Variants in ZBTB20 observed in about 807,000 individuals in gnomAD.
ZBTB20 encodes zinc finger and BTB domain containing 20.
A neutral mutation model predicts 56.9 loss-of-function variants in ZBTB20; 9 were observed. The observed-to-expected ratio is 0.16, with a 90% CI of 0.10 to 0.28. The LOEUF is 0.28. Among genes scored for constraint, ZBTB20 ranks in the 10% least tolerant of loss-of-function variants. ZBTB20 has a pLI of 1.00. For synonymous variants in ZBTB20, 417 were observed against 420.7 expected, an observed-to-expected ratio of 0.99 and a Z score of 0.11; for missense variants, 655 against 1,003.0, an observed-to-expected ratio of 0.65 and a Z score of 4.69.
chr3:114,588,106 AG>A (rs2055369238), intron 6 of ZBTB20, among the ~76,000 whole-genome samples: 1 of 152,012 alleles, frequency 6.6e-6, no homozygotes, highest in African/African-American at 2.4e-5. Flanking sequence ...TATTACTTCC[AG>A]GGGGCCTTCT....
intron 4 of ZBTB20, among the ~76,000 whole-genome samples, chr3:114,825,274 T>C (rs564264770): frequency 1.3e-5 from 2 of 152,086 alleles, no homozygotes; most frequent in East Asian, 1.9e-4. Context: ...ACAATAAATA[T>C]GTAAGGAATG....
chr3:114,989,160 A>T (rs369725420), intron 2 of ZBTB20, among the ~76,000 whole-genome samples: 1 of 152,066 alleles, frequency 6.6e-6, no homozygotes, highest in Non-Finnish European at 1.5e-5. Context: ...GGTGTTTTAG[A>T]CATGAAGTCC....
intron 7 of ZBTB20, among the ~76,000 whole-genome samples, chr3:114,392,330 C>T (rs1218960398): frequency 2.0e-5 from 3 of 152,160 alleles, no homozygotes; most frequent in Non-Finnish European, 1.5e-5. Context: ...ATATATGCCC[C>T]GTTCTCCATG....
chr3:114,984,011 T>C (rs1426446351), intron 2 of ZBTB20, among the ~76,000 whole-genome samples: 2 of 151,986 alleles, frequency 1.3e-5, no homozygotes, highest in Admixed American at 6.6e-5. Context: ...GCTCTCTGAA[T>C]TTACTTTTTT....
intron 4 of ZBTB20, among the ~76,000 whole-genome samples, chr3:114,899,524 A>C (rs2075023389): frequency 6.6e-6 from 1 of 151,896 alleles, no homozygotes; most frequent in African/African-American, 2.4e-5. Flanking sequence ...GTCAACAGCT[A>C]CTAAAAAAAA....
intron 5 of ZBTB20, among the ~76,000 whole-genome samples, chr3:114,697,120 T>A (rs1023345973): frequency 1.3e-5 from 2 of 150,208 alleles, no homozygotes; most frequent in East Asian, 3.9e-4. Flanking sequence ...GCATTAGAGC[T>A]TTATATAGCT....
intron 2 of ZBTB20, among the ~76,000 whole-genome samples, chr3:115,018,230 GATCATTGGGTTA>G (rs1357531258): frequency 6.6e-6 from 1 of 151,342 alleles, no homozygotes; most frequent in Non-Finnish European, 1.5e-5. Context: ...TAAAGAGTTA[GATCATTGGGTTA>G]ATCATGCTTT....
chr3:114,981,635 A>T (rs1331194389), intron 2 of ZBTB20, among the ~76,000 whole-genome samples: 1 of 152,054 alleles, frequency 6.6e-6, no homozygotes, highest in Non-Finnish European at 1.5e-5. Context: ...GTATTTACTT[A>T]TTTAAACCTA....
At chr3:114,923,141 G>A (rs901917580) in intron 3 of ZBTB20, among the ~76,000 whole-genome samples, 2 of 152,066 alleles carry the variant, frequency 1.3e-5, no homozygotes, top group Non-Finnish European at 2.9e-5. Flanking sequence ...TTTTTAAAAT[G>A]CCCATGCTAC....
Position 114,339,478 on chromosome 3 carries a change from G to C in ZBTB20, c.1805-52C>G. 15 of 1,543,532 alleles carry C rather than the reference G, an allele frequency of 9.7e-6. No homozygotes were observed. Among genetic ancestry groups the C allele is most frequent in the Non-Finnish European group, 1.1e-5 (13 of 1,139,564 alleles). On this transcript the variant is annotated intron_variant, in intron 11 of 11. Coordinates refer to ENST00000675478, the MANE Select transcript of ZBTB20 (RefSeq NM_001348800.3). The surrounding 1 kb of genome is among the most constrained non-coding windows in gnomAD (Gnocchi z 4.2). ...CAGGACAGAGCGAGACATAGCAAGG[G>C]ATAGAGAATGAAGGACAGGAAAAAC...
At chr3:114,452,041 G>A (rs1052362457) in intron 7 of ZBTB20, among the ~76,000 whole-genome samples, 3 of 150,476 alleles carry the variant, frequency 2.0e-5, no homozygotes, top group African/African-American at 7.3e-5. Context: ...GATCCCCTTG[G>A]TCACATCAAA....
At chr3:114,864,396 A>G (rs17627653) in intron 4 of ZBTB20, among the ~76,000 whole-genome samples, 3,630 of 151,966 alleles carry the variant, frequency 0.024, 51 homozygotes, top group South Asian at 0.051. Flanking sequence ...GCCAAGGTTA[A>G]AAAAAATGGT....
intron 5 of ZBTB20, among the ~76,000 whole-genome samples, chr3:114,784,582 G>T (rs2070355959): frequency 6.6e-6 from 1 of 152,168 alleles, no homozygotes; most frequent in Admixed American, 6.5e-5. Context: ...CAGGGAAGGT[G>T]TGCTATGTGG....
chr3:114,637,675 C>T (rs2059348518), intron 6 of ZBTB20, among the ~76,000 whole-genome samples: 1 of 152,040 alleles, frequency 6.6e-6, no homozygotes, highest in Non-Finnish European at 1.5e-5. Flanking sequence ...ATTCAATAAA[C>T]ATCTTCTATG....
chr3:114,808,750 T>C (rs944641906), intron 4 of ZBTB20, among the ~76,000 whole-genome samples: 9 of 152,104 alleles, frequency 5.9e-5, no homozygotes, highest in African/African-American at 2.2e-4. Flanking sequence ...ATATCATGTC[T>C]ATACTTACCT....
At chr3:114,455,703 C>G (rs1211050895) in intron 7 of ZBTB20, among the ~76,000 whole-genome samples, 1 of 152,078 alleles carries the variant, frequency 6.6e-6, no homozygotes, top group Non-Finnish European at 1.5e-5. Context: ...TTAGGCACGG[C>G]ACGATCTCAT....
chr3:114,420,364 A>C (rs538174833), intron 7 of ZBTB20, among the ~76,000 whole-genome samples: 1 of 152,260 alleles, frequency 6.6e-6, no homozygotes, highest in Non-Finnish European at 1.5e-5. Context: ...CAAAGAAATC[A>C]GTGTTGCATT....
intron 3 of ZBTB20, among the ~76,000 whole-genome samples, chr3:114,924,980 CTTTTTTTTTT>C (rs578028983): frequency 1.0e-5 from 1 of 99,918 alleles, no homozygotes; most frequent in Non-Finnish European, 2.1e-5. Flanking sequence ...TTTGGTTCTT[CTTTTTTTTTT>C]TTTTTTTTTT....
intron 4 of ZBTB20, among the ~76,000 whole-genome samples, chr3:114,890,031 TGCCTATATCTCATA>T (rs1023800803): frequency 1.8e-4 from 28 of 152,180 alleles, no homozygotes; most frequent in African/African-American, 6.3e-4. Context: ...CACGAAGAGC[TGCCTATATCTCATA>T]GCCAATAAGT....
Sources: allele counts gnomAD v4.1 joint callset (sites outside exome capture counted in the v4.1 genomes callset), GRCh38; gene constraint gnomAD v4.1.1; non-coding constraint Gnocchi (gnomAD v3.1); transcripts MANE v1.5; gene names NCBI Gene and HGNC (gene_info 2026-07-23, HGNC 2026-07-21).